The following EXOC3 variants were observed in gnomAD, a reference collection of about 807,000 sequenced individuals.
EXOC3 encodes exocyst complex component 3.
In EXOC3, 21 loss-of-function variants were observed where a neutral mutation model predicts 73.7. The ratio of observed to expected loss-of-function variants is 0.29; its 90% CI spans 0.20 to 0.41. EXOC3 has a LOEUF of 0.41. Ranked by LOEUF, EXOC3 falls within the 10% of genes least tolerant of loss-of-function variation. EXOC3 has a pLI of 1.00. For missense variants in EXOC3, 842 were observed against 985.1 expected (o/e 0.85, Z 1.95); for synonymous variants, 410 against 389.1 (o/e 1.05, Z -0.63).
At chr5:465,322 C>G in intron 11 of EXOC3, 50 bp downstream of exon 11, 2 of 1,540,376 alleles carry the variant, frequency 1.3e-6, no homozygotes, top group Non-Finnish European at 1.8e-6. Context: ...CTCCGCGGCC[C>G]TGTTCAGCCT....
Position 443,217 on chromosome 5 carries a change from A to AGGGGGCGGC in EXOC3, c.-118_-110dup, listed in dbSNP as rs1456831113. On this transcript the variant is annotated 5_prime_UTR_variant, in exon 1 of 13. Coordinates refer to ENST00000512944, the MANE Select transcript of EXOC3 (RefSeq NM_007277.5). ...CCGGAGGCGGAGGCAGCGAAGGCGGAGGGGGCGGCGGGGGCGGCGGCGGCG... is the reference window on the plus strand; with the variant it reads ...CCGGAGGCGGAGGCAGCGAAGGCGGAGGGGGCGGCGGGGGCGGCGGGGGCGGCGGCGGCG... 33 of 134,824 alleles carry AGGGGGCGGC rather than the reference A, an allele frequency of 2.4e-4. No individual in the cohort carries two copies. Among genetic ancestry groups the AGGGGGCGGC allele is most frequent in the South Asian group, 2.1e-3 (11 of 5,172 alleles). The allele number at this position is 134,824 out of a possible 1,614,324, so 8.4% of individuals were successfully genotyped here.
chr5:452,560 T>A (rs1019106568), intron 3 of EXOC3, among the ~76,000 whole-genome samples: 1 of 152,252 alleles, frequency 6.6e-6, no homozygotes, highest in African/African-American at 2.4e-5. Context: ...TGGGCCATAC[T>A]TTCTTCTTTC....
intron 7 of EXOC3, 151 bp from the exon 8 acceptor site, chr5:461,809 T>C (rs1737993632): frequency 1.6e-6 from 1 of 619,928 alleles, no homozygotes; most frequent in South Asian, 2.0e-5. Flanking sequence ...TCCATTAGTC[T>C]GGATCGTCTA....
Position 451,105 on chromosome 5 carries a change from C to T in EXOC3, c.365-2265C>T, listed in dbSNP as rs78873041. On this transcript the variant is annotated intron_variant, in intron 3 of 12. Transcript: ENST00000512944. ...CATTTTGCTGTTTGTTTTCTATATG[C>T]GGTATAACATTTTTGTCTCTTATTT... 2.3e-3 allele frequency among the ~76,000 whole-genome samples: 352 copies of T among 152,202 alleles called. 1 individual carries two copies. The highest frequency in any genetic ancestry group is 7.8e-3 in the African/African-American group (326 of 41,556).
chr5:455,695 C>G (rs1737790892), intron 4 of EXOC3, among the ~76,000 whole-genome samples: 1 of 152,074 alleles, frequency 6.6e-6, no homozygotes, highest in Non-Finnish European at 1.5e-5. Context: ...TAGGTGTATC[C>G]CGGCTTCACG....
In EXOC3 at chr5:462,008, G is replaced by A. The variant is rs1429131126; in HGVS notation, c.1440G>A (p.Arg480=). The change falls in exon 8 of 13, where the codon CGG becomes CGA. Residue 480 remains arginine, a synonymous_variant. Transcript: ENST00000512944. The stretch of plus-strand genomic sequence containing the variant: ...ATAAAGAAGAGCACCTGAGGAATCG[G>A]CAGCACCCTCACTGCTACGTTCAGT... The part of the protein sequence containing the change: ...QLYKEEHLRN[R]QHPHCYVQYM... The A allele has an allele frequency of 6.2e-7, 1 of 1,606,738 alleles. No homozygotes were observed. Among genetic ancestry groups the A allele is most frequent in the Non-Finnish European group, 8.5e-7 (1 of 1,176,450 alleles).
At position 467,027 on chromosome 5, in the gene EXOC3, T is replaced by A; in HGVS notation, c.*129T>A. 1 of 974,966 alleles carries A rather than the reference T, an allele frequency of 1.0e-6. No individual in the cohort carries two copies. 60.4% of individuals were successfully genotyped at this position (974,966 alleles called of 1,614,324 possible). A position where few individuals can be genotyped will look rare whatever the true frequency, so the allele number is the denominator to read the frequency against. ...TGCACGGCCTGTCTTTAGGTGCCAGTGTGATGCACCGGGTGTGCGTCGAGT... is the reference window on the plus strand; with the variant it reads ...TGCACGGCCTGTCTTTAGGTGCCAGAGTGATGCACCGGGTGTGCGTCGAGT... On this transcript the variant is annotated 3_prime_UTR_variant, in exon 13 of 13. Transcript: ENST00000512944.
intron 3 of EXOC3, 31 bp downstream of exon 3, chr5:447,783 C>T: frequency 6.9e-7 from 1 of 1,459,536 alleles, no homozygotes; most frequent in Non-Finnish European, 9.3e-7. Flanking sequence ...CACTTGCCCC[C>T]ACTCACGCTG....
chr5:446,128 A>G (rs1737497563), intron 1 of EXOC3, 22 bp from the exon 2 acceptor site: 1 of 1,557,956 alleles, frequency 6.4e-7, no homozygotes, highest in African/African-American at 1.4e-5. Context: ...TAACATTTCT[A>G]CCGTCCTAAC....
At chr5:462,604 C>G (rs1292309393) in intron 9 of EXOC3, 5 of 381,874 alleles carry the variant, frequency 1.3e-5, no homozygotes, top group African/African-American at 8.0e-5. Flanking sequence ...GTCAAAAAGT[C>G]AAATTGAGAG....
Position 453,529 on chromosome 5 carries a change from G to A in EXOC3, c.524G>A (p.Gly175Asp), listed in dbSNP as rs773517021. Residue 175 changes from glycine (G) to aspartate (D), a missense_variant, in exon 4 of 13, where the codon GGC becomes GAC. Gly to Asp is a moderately conservative substitution (Grantham distance 94). Coordinates refer to ENST00000512944, the MANE Select transcript of EXOC3 (RefSeq NM_007277.5). Reference sequence around the variant, plus strand: ...ACGCGTGACATGACCCTCATCCATGGCTACTTTGGCAGCACGCAGGGGCTC... The same window carrying A: ...ACGCGTGACATGACCCTCATCCATGACTACTTTGGCAGCACGCAGGGGCTC... ...GNTRDMTLIH[G>D]YFGSTQGLSD... is the part of the protein sequence containing the mutation. 1.2e-6 allele frequency: 2 copies of A among 1,613,994 alleles called. No individual in the cohort carries two copies. Among genetic ancestry groups the A allele is most frequent in the East Asian group, 2.2e-5 (1 of 44,882 alleles).
rs1332443513 is a variant in EXOC3 at position 446,160 on chromosome 5, A to G, written c.-46A>G. On this transcript the variant is annotated 5_prime_UTR_variant, in exon 2 of 13. Coordinates refer to ENST00000512944, the MANE Select transcript of EXOC3 (RefSeq NM_007277.5). ...TAACAACTCCTGCAGTGCACAGAGA[A>G]CACCCCTAGCATGAACAGTGTGAGG... The G allele has an allele frequency of 3.7e-6, 6 of 1,612,702 alleles. No individual in the cohort carries two copies. The highest frequency in any genetic ancestry group is 5.1e-6 in the Non-Finnish European group (6 of 1,178,984).
rs760078189 is a variant in EXOC3, at chr5:464,379, C to T, written c.1743C>T (p.Asn581=). The T allele has an allele frequency of 1.2e-6, 2 of 1,613,812 alleles. No homozygotes were observed. Among genetic ancestry groups the T allele is most frequent in the Middle Eastern group, 1.6e-4 (1 of 6,062 alleles). The change falls in exon 10 of 13, where the codon AAC becomes AAT. Residue 581 remains asparagine (N), a synonymous_variant. Transcript: ENST00000512944. ...GTGTCACCGTGGAAGACTATTTCAA[C>T]GATTTTGCCAAAATTAAAAAGCCGT... is the stretch of plus-strand genomic sequence containing the variant. ...IICVTVEDYF[N]DFAKIKKPYK...
Position 465,567 on chromosome 5 carries a change from C to T in EXOC3, c.1939-151C>T, listed in dbSNP as rs192948410. Reference sequence around the variant, plus strand: ...CACGGTCTCGCCCTCACCCCAGACCCCTGGCCCTGTCACTGAGCTTTCAGA... The same window carrying T: ...CACGGTCTCGCCCTCACCCCAGACCTCTGGCCCTGTCACTGAGCTTTCAGA... On this transcript the variant is annotated intron_variant, in intron 11 of 12. Coordinates refer to ENST00000512944, the MANE Select transcript of EXOC3 (RefSeq NM_007277.5). 1.4e-4 allele frequency: 146 copies of T among 1,022,570 alleles called. No individual in the cohort carries two copies. In the East Asian group the frequency reaches 3.3e-3, roughly 23 times the overall value. The allele number at this position is 1,022,570 out of a possible 1,614,324, so 63.3% of individuals were successfully genotyped here.
intron 5 of EXOC3, 40 bp downstream of exon 5, chr5:457,046 G>T: frequency 7.1e-7 from 1 of 1,404,168 alleles, no homozygotes; most frequent in Non-Finnish European, 1.0e-6. Context: ...CCACCGTGCT[G>T]GTTATATGAG....
intron 7 of EXOC3, among the ~76,000 whole-genome samples, chr5:460,451 G>T (rs1737950512): frequency 6.6e-6 from 1 of 152,136 alleles, no homozygotes. Context: ...TGTCCTGGTG[G>T]CTTAGGTACT....
In EXOC3 at chr5:453,881, C is replaced by T. The variant is rs371683362; in HGVS notation, c.876C>T (p.Val292=). 25 of 1,613,896 alleles carry T rather than the reference C, an allele frequency of 1.5e-5. No individual in the cohort carries two copies. The highest frequency in any genetic ancestry group is 1.3e-4 in the East Asian group (6 of 44,878). Residue 292 remains valine, a synonymous_variant, in exon 4 of 13, where the codon GTC becomes GTT. Transcript: ENST00000512944. ...IRKYVLDDLI[V]AKNLMVQCFP... is the part of the protein sequence containing the mutation. ...AGTACGTCCTGGATGACCTCATTGT[C>T]GCCAAAAACCTGATGGTTCAGTGCT...
Position 467,118 on chromosome 5 carries a change from C to G in EXOC3, c.*220C>G, listed in dbSNP as rs1389691027. ...GTCAAAGGCCTGTGGGTGCAGGGCT[C>G]TGCCGCACAGCCTCTCTTGGGTGCT... On this transcript the variant is annotated 3_prime_UTR_variant, in exon 13 of 13. Coordinates refer to ENST00000512944, the MANE Select transcript of EXOC3 (RefSeq NM_007277.5). The G allele has an allele frequency of 3.5e-6, 2 of 563,810 alleles. No individual in the cohort carries two copies. Among genetic ancestry groups the G allele is most frequent in the Non-Finnish European group, 6.3e-6 (2 of 316,048 alleles). The allele number at this position is 563,810 out of a possible 1,614,324, so 34.9% of individuals were successfully genotyped here. A position where few individuals can be genotyped will look rare whatever the true frequency, so the allele number is the denominator to read the frequency against.
chr5:445,568 A>AT (rs2126570454), intron 1 of EXOC3, among the ~76,000 whole-genome samples: 1 of 152,134 alleles, frequency 6.6e-6, no homozygotes, highest in East Asian at 1.9e-4. Context: ...GTTAGCCAGG[A>AT]TGGTCTCGAT....
Sources: gnomAD v4.1 joint callset for allele counts (sites outside exome capture counted in the v4.1 genomes callset) on GRCh38, gnomAD v4.1.1 for gene constraint, MANE v1.5 for transcripts, NCBI Gene and HGNC (gene_info 2026-07-23, HGNC 2026-07-21) for gene names.